Variants in BTBD10 observed in about 807,000 individuals in gnomAD.
BTBD10 encodes BTB/POZ domain-containing protein 10.
Under a neutral mutation model 53.2 loss-of-function variants are expected in BTBD10, and 21 were observed. The observed-to-expected ratio is 0.39, with a 90% CI of 0.28 to 0.57. The LOEUF (loss-of-function observed/expected upper bound fraction) is 0.57. BTBD10 is among the 20% of genes least tolerant of loss of function. The pLI is 0.53. For synonymous variants in BTBD10, 149 were observed against 192.7 expected, an observed-to-expected ratio of 0.77 and a Z score of 1.88; for missense variants, 360 against 594.7, an observed-to-expected ratio of 0.61 and a Z score of 4.10.
chr11:13,420,345 CA>C (rs1950220151), intron 3 of BTBD10, among the ~76,000 whole-genome samples: 2 of 151,576 alleles, frequency 1.3e-5, no homozygotes, highest in Admixed American at 1.3e-4. Flanking sequence ...TTATGTCTAC[CA>C]AATAAAGTGG....
chr11:13,417,053 C>T, intron 5 of BTBD10, 105 bp downstream of exon 5: 1 of 734,518 alleles, frequency 1.4e-6, no homozygotes, highest in Non-Finnish European at 2.2e-6. Flanking sequence ...AAAACAATAC[C>T]CTGGAATAAC....
At chr11:13,422,091 CAT>C (rs1308541506) in intron 2 of BTBD10, among the ~76,000 whole-genome samples, 3 of 152,158 alleles carry the variant, frequency 2.0e-5, no homozygotes, top group Admixed American at 2.0e-4. Flanking sequence ...GGTTAACTAA[CAT>C]ATGAGTTAGT....
chr11:13,404,068 G>A (rs1022650306), intron 7 of BTBD10, among the ~76,000 whole-genome samples: 2 of 152,048 alleles, frequency 1.3e-5, no homozygotes, highest in Non-Finnish European at 2.9e-5. Context: ...CAAACATGCT[G>A]GTTTAAGAGC....
chr11:13,431,746 G>C (rs1296535651), intron 2 of BTBD10, among the ~76,000 whole-genome samples: 1 of 152,080 alleles, frequency 6.6e-6, no homozygotes. Context: ...AATCTGGTAT[G>C]AACTTCTGCA....
chr11:13,418,706 T>C (rs1950177058), intron 4 of BTBD10, among the ~76,000 whole-genome samples: 1 of 152,158 alleles, frequency 6.6e-6, no homozygotes, highest in Admixed American at 6.5e-5. Context: ...ATATGCAATC[T>C]AGTAAAGTAC....
intron 8 of BTBD10, among the ~76,000 whole-genome samples, chr11:13,391,334 C>G (rs1288505430): frequency 4.6e-5 from 7 of 152,164 alleles, no homozygotes; most frequent in Non-Finnish European, 1.0e-4. Context: ...TGCGCTCCAC[C>G]TTCTTTTATC....
At chr11:13,459,046 T>TTTA (rs1565277434) in intron 1 of BTBD10, among the ~76,000 whole-genome samples, 1,769 of 130,584 alleles carry the variant, frequency 0.014, 34 homozygotes, top group African/African-American at 0.05. Flanking sequence ...TTATTTATTT[T>TTTA]TTTATTTATT....
At position 13,399,708 on chromosome 11, in the gene BTBD10, C is replaced by T. The variant is rs537939201; in HGVS notation, c.1117+3460G>A. On this transcript the variant is annotated intron_variant, in intron 8 of 8. Transcript: ENST00000278174. ...TACCTTTGGTCTTTGATGATGGTGACGTACAGATGGGTTTTTGGTGTGGAT... is the reference window on the plus strand; with the variant it reads ...TACCTTTGGTCTTTGATGATGGTGATGTACAGATGGGTTTTTGGTGTGGAT... Among the ~76,000 whole-genome samples, 11 of 152,228 alleles carry T rather than the reference C, an allele frequency of 7.2e-5. No homozygotes were observed. In the South Asian group the frequency reaches 1.7e-3, roughly 23 times the overall value.
chr11:13,434,575 T>C (rs759282111), intron 2 of BTBD10, among the ~76,000 whole-genome samples: 1 of 152,146 alleles, frequency 6.6e-6, no homozygotes, highest in Non-Finnish European at 1.5e-5. Flanking sequence ...ATGACAGGCA[T>C]TGAAGGAATG....
At chr11:13,450,669 G>A (rs984376406) in intron 1 of BTBD10, among the ~76,000 whole-genome samples, 2 of 152,154 alleles carry the variant, frequency 1.3e-5, no homozygotes, top group African/African-American at 4.8e-5. Context: ...AACTGAAAGA[G>A]CTTGAGGGAT....
chr11:13,413,739 A>C, intron 5 of BTBD10, 89 bp from the exon 6 acceptor site: 1 of 1,279,614 alleles, frequency 7.8e-7, no homozygotes, highest in Non-Finnish European at 1.1e-6. Context: ...TAACATTTTC[A>C]GAAACAGTAG....
intron 1 of BTBD10, among the ~76,000 whole-genome samples, chr11:13,462,029 T>C (rs1338548223): frequency 6.6e-6 from 1 of 151,792 alleles, no homozygotes; most frequent in African/African-American, 2.4e-5. Context: ...ACAACTGCAG[T>C]CCTGGGTTTC....
In BTBD10 at chr11:13,398,357, A is replaced by G. The variant is rs1397807788; in HGVS notation, c.1117+4811T>C. On this transcript the variant is annotated intron_variant, in intron 8 of 8. Coordinates refer to ENST00000278174, the MANE Select transcript of BTBD10 (RefSeq NM_032320.7). The stretch of plus-strand genomic sequence containing the variant: ...AAAGTCTGTTTTATCAGAGACTAGG[A>G]TTGAAACCCCTGCCTTTTTTTGTTT... Among the ~76,000 whole-genome samples the G allele has an allele frequency of 1.9e-4, 29 of 151,956 alleles. 1 individual carries two copies. Among genetic ancestry groups the G allele is most frequent in the Admixed American group, 1.9e-3 (29 of 15,242 alleles).
chr11:13,408,991 G>GA (rs1949885715), intron 6 of BTBD10, among the ~76,000 whole-genome samples: 2 of 152,294 alleles, frequency 1.3e-5, no homozygotes, highest in African/African-American at 4.8e-5. Flanking sequence ...GGTACAATGT[G>GA]ACAGCCTTAC....
At chr11:13,429,570 G>A (rs1010578467) in intron 2 of BTBD10, among the ~76,000 whole-genome samples, 1 of 150,586 alleles carries the variant, frequency 6.6e-6, no homozygotes, top group Non-Finnish European at 1.5e-5. Context: ...AATGGTGCTG[G>A]AACAAATGAA....
chr11:13,410,673 T>A (rs1002037430), intron 6 of BTBD10, among the ~76,000 whole-genome samples: 3 of 152,200 alleles, frequency 2.0e-5, no homozygotes, highest in Non-Finnish European at 2.9e-5. Context: ...GAGGCATATA[T>A]TAGGATCAAC....
At chr11:13,420,279 C>CA (rs1352776307) in intron 3 of BTBD10, among the ~76,000 whole-genome samples, 4 of 150,688 alleles carry the variant, frequency 2.7e-5, no homozygotes, top group Non-Finnish European at 4.4e-5. Context: ...CTTTCCCCCA[C>CA]AAAAAAAGAA....
Position 13,430,385 on chromosome 11 carries a change from C to G in BTBD10, c.102-8547G>C, listed in dbSNP as rs137937982. On this transcript the variant is annotated intron_variant, in intron 2 of 8. Transcript: ENST00000278174. ...TGACTATATCAAGCATTGATGAGTA[C>G]ATGTATGAAATGGAACTCTCATACA... is the stretch of plus-strand genomic sequence containing the variant. 4.3e-3 allele frequency among the ~76,000 whole-genome samples: 648 copies of G among 152,168 alleles called. 1 individual carries two copies. The highest frequency in any genetic ancestry group is 0.01 in the Admixed American group (156 of 15,292).
intron 1 of BTBD10, among the ~76,000 whole-genome samples, chr11:13,457,750 C>T (rs985513213): frequency 1.3e-5 from 2 of 152,078 alleles, no homozygotes; most frequent in African/African-American, 4.8e-5. Context: ...GACTTACATA[C>T]TCCAAATAAA....
Sources: gnomAD v4.1 joint callset for allele counts (sites outside exome capture counted in the v4.1 genomes callset) on GRCh38, gnomAD v4.1.1 for gene constraint, MANE v1.5 for transcripts, NCBI Gene and HGNC (gene_info 2026-07-23, HGNC 2026-07-21) for gene names.